ZC3H3: variants seen among roughly 807,000 people sequenced by gnomAD.
ZC3H3 encodes the protein zinc finger CCCH-type containing 3.
ZC3H3 carries 36 observed loss-of-function variants against 77.3 expected under a neutral mutation model. That is an observed-to-expected ratio of 0.47 (90% CI 0.36 to 0.61). ZC3H3 has a LOEUF of 0.61. Ranked by LOEUF, ZC3H3 falls within the 20% of genes least tolerant of loss-of-function variation. ZC3H3 has a pLI of 0.00. For synonymous variants in ZC3H3, 626 were observed against 555.2 expected (o/e 1.13, Z -1.79); for missense variants, 1,331 against 1,312.2 (o/e 1.01, Z -0.22).
intron 3 of ZC3H3, among the ~76,000 whole-genome samples, chr8:143,524,224 C>A (rs1040719213): frequency 1.3e-5 from 2 of 152,230 alleles, no homozygotes; most frequent in African/African-American, 2.4e-5. Flanking sequence ...CTGAGCCCCA[C>A]TCCCTCAGTC....
Position 143,538,828 on chromosome 8 carries a change from C to A in ZC3H3, c.539G>T (p.Arg180Met). Residue 180 changes from arginine to methionine, a missense_variant, in exon 2 of 12, where the codon AGG (arginine) becomes ATG (methionine). Arg to Met is a moderately conservative substitution (Grantham distance 91). Coordinates refer to ENST00000262577, the MANE Select transcript of ZC3H3 (RefSeq NM_015117.3). ...QLQPSRPTRARGTCSVEDPLL... is the reference protein window; with the variant it reads ...QLQPSRPTRAMGTCSVEDPLL... ...AGGATCTTCCACACTGCAGGTCCCC[C>A]TGGCTCTTGTTGGCCTCGAGGGCTG... 6 of 1,612,280 alleles carry A rather than the reference C, an allele frequency of 3.7e-6. No homozygotes were observed. The highest frequency in any genetic ancestry group is 4.2e-6 in the Non-Finnish European group (5 of 1,179,688).
rs911666340 is a variant in ZC3H3 at position 143,531,811 on chromosome 8, C to A, written c.1561+4446G>T. 2.0e-5 allele frequency among the ~76,000 whole-genome samples: 3 copies of A among 152,214 alleles called. No individual in the cohort carries two copies. The East Asian group carries it at 5.8e-4, about 29-fold the overall frequency. On this transcript the variant is annotated intron_variant, in intron 3 of 11. Coordinates refer to ENST00000262577, the MANE Select transcript of ZC3H3 (RefSeq NM_015117.3). ...AGTAATTCAATTTTCTTTTTATTAG[C>A]CCCCTTATCTGCTGAGCAATATAGT...
At chr8:143,527,863 T>C (rs921667) in intron 3 of ZC3H3, among the ~76,000 whole-genome samples, 23,613 of 152,042 alleles carry the variant, frequency 0.16, 1,948 homozygotes, top group Admixed American at 0.22. Flanking sequence ...ACAGCAAACA[T>C]TCCTGACCCC....
At chr8:143,438,946 A>G (rs766623581) in intron 11 of ZC3H3, among the ~76,000 whole-genome samples, 2 of 152,064 alleles carry the variant, frequency 1.3e-5, no homozygotes, top group Admixed American at 6.5e-5. Flanking sequence ...TCCTGCCCAG[A>G]GACTGTCCCA....
At chr8:143,485,022 A>C (rs1821014135) in intron 4 of ZC3H3, 1 of 289,670 alleles carries the variant, frequency 3.5e-6, no homozygotes, top group South Asian at 2.7e-5. Context: ...TTATGAAGCA[A>C]AGATGTGTGA....
intron 4 of ZC3H3, among the ~76,000 whole-genome samples, chr8:143,486,655 G>A (rs111679420): frequency 0.15 from 22,966 of 152,018 alleles, 2,039 homozygotes; most frequent in Middle Eastern, 0.27. Context: ...AATGGCACCC[G>A]CTACATGACC....
chr8:143,472,828 C>T (rs147614085), intron 5 of ZC3H3, among the ~76,000 whole-genome samples: 31 of 152,324 alleles, frequency 2.0e-4, no homozygotes, highest in Admixed American at 1.2e-3. Context: ...GGACGCACCG[C>T]GACCTGGGTG....
chr8:143,495,549 C>T (rs1037884186), intron 4 of ZC3H3, among the ~76,000 whole-genome samples: 2 of 152,132 alleles, frequency 1.3e-5, no homozygotes, highest in Non-Finnish European at 2.9e-5. Context: ...TTTATCTCGA[C>T]GAGGTATGCG....
At chr8:143,539,429 C>G (rs1822936368) in intron 1 of ZC3H3, 109 bp from the exon 2 acceptor site, 1 of 1,169,338 alleles carries the variant, frequency 8.6e-7, no homozygotes, top group East Asian at 2.6e-5. Context: ...CATCTCACTT[C>G]TGAGCCCCTG....
Position 143,538,339 on chromosome 8 carries a change from C to G in ZC3H3, c.1028G>C (p.Gly343Ala). 6.2e-7 allele frequency: 1 copy of G among 1,613,012 alleles called. No individual in the cohort carries two copies. Among genetic ancestry groups the G allele is most frequent in the Non-Finnish European group, 8.5e-7 (1 of 1,180,034 alleles). The change falls in exon 2 of 12, where the codon GGC (glycine) becomes GCC (alanine). Residue 343 changes from glycine to alanine, a missense_variant. Gly to Ala is a moderately conservative substitution (Grantham distance 60). This residue lies in a region of ZC3H3 where 978 missense variants were observed against 915.5 expected (regional missense o/e 1.07). Transcript: ENST00000262577. ...CGGCTTCTCCACCTTGTTTGCCATGCCAGCAGAGGCCTTGCACACATTCTC... is the reference window on the plus strand; with the variant it reads ...CGGCTTCTCCACCTTGTTTGCCATGGCAGCAGAGGCCTTGCACACATTCTC... ...AAENVCKASA[G>A]MANKVEKPQL...
intron 3 of ZC3H3, among the ~76,000 whole-genome samples, chr8:143,512,702 C>T (rs1821908664): frequency 6.6e-6 from 1 of 152,228 alleles, no homozygotes; most frequent in African/African-American, 2.4e-5. Context: ...ACTGGCTGGG[C>T]CTCTTCCTCC....
At chr8:143,525,538 G>A (rs554484160) in intron 3 of ZC3H3, among the ~76,000 whole-genome samples, 8 of 152,332 alleles carry the variant, frequency 5.3e-5, no homozygotes, top group African/African-American at 1.2e-4. Context: ...GCCGAGAGAG[G>A]AGCGTCCCTG....
Position 143,450,994 on chromosome 8 carries a change from G to A in ZC3H3, c.2308-9874C>T, listed in dbSNP as rs572902569. Among the ~76,000 whole-genome samples, 16 of 152,272 alleles carry A rather than the reference G, an allele frequency of 1.1e-4. No individual in the cohort carries two copies. In the East Asian group the frequency reaches 3.1e-3, roughly 29 times the overall value. On this transcript the variant is annotated intron_variant, in intron 9 of 11. Transcript: ENST00000262577. ...AATAATAACAAGTATATTAAACACA[G>A]TAAGTGACTGGATGCTTTCTACCCT... is the stretch of plus-strand genomic sequence containing the variant.
rs1038270400 is a variant in ZC3H3, at chr8:143,460,631, G to A, written c.2307+5086C>T. Among the ~76,000 whole-genome samples the A allele has an allele frequency of 1.5e-4, 23 of 152,182 alleles. No homozygotes were observed. Among genetic ancestry groups the A allele is most frequent in the African/African-American group, 5.6e-4 (23 of 41,436 alleles). On this transcript the variant is annotated intron_variant, in intron 9 of 11. Coordinates refer to ENST00000262577, the MANE Select transcript of ZC3H3 (RefSeq NM_015117.3). This position sits in a 1 kb window ranked among gnomAD's most constrained non-coding sequence, Gnocchi z 4.0. Reference sequence around the variant, plus strand: ...GCTGTCAGGAATCACTACAGCACCAGTCACAGTAGCCACATAACCACCAGC... The same window carrying A: ...GCTGTCAGGAATCACTACAGCACCAATCACAGTAGCCACATAACCACCAGC...
chr8:143,538,848 G>A lies in ZC3H3; in HGVS notation c.519C>T (p.Pro173=), dbSNP rs1212306202. 1.9e-6 allele frequency: 3 copies of A among 1,612,334 alleles called. No homozygotes were observed. The East Asian group carries it at 6.7e-5, about 36-fold the overall frequency. The change falls in exon 2 of 12, where the codon CCC becomes CCT. Residue 173 remains proline (P), a synonymous_variant. Coordinates refer to ENST00000262577, the MANE Select transcript of ZC3H3 (RefSeq NM_015117.3). ...TCCCCCTGGCTCTTGTTGGCCTCGA[G>A]GGCTGCAGCTGTCCCCGAGGGGGCT... The part of the protein sequence containing the change: ...EGEPPRGQLQ[P]SRPTRARGTC...
At chr8:143,482,482 G>A (rs955830276) in intron 4 of ZC3H3, among the ~76,000 whole-genome samples, 5 of 152,312 alleles carry the variant, frequency 3.3e-5, no homozygotes, top group Admixed American at 6.5e-5. Context: ...AGGGAGGAGT[G>A]TGGGGTGGGG....
chr8:143,524,374 C>G (rs1393637763), intron 3 of ZC3H3, among the ~76,000 whole-genome samples: 4 of 152,242 alleles, frequency 2.6e-5, no homozygotes, highest in African/African-American at 9.6e-5. Context: ...ATGTGCCATG[C>G]TCTGCTAGGA....
chr8:143,536,725 G>A (rs918320315), intron 2 of ZC3H3, among the ~76,000 whole-genome samples: 1 of 152,152 alleles, frequency 6.6e-6, no homozygotes, highest in African/African-American at 2.4e-5. Flanking sequence ...AGGGGCCTCA[G>A]TGCTCCGTCC....
rs80351785 is a variant in ZC3H3, at chr8:143,538,414, G to C, written c.953C>G (p.Ser318Trp). ...CCTCCGAGCAACCCGGGGACTCTTC[G>C]AGGAGGCAGCCACCCATTTGTAGTT... ...KNNYKWVAAS[S>W]KSPRVARRAL... The change falls in exon 2 of 12, where the codon TCG becomes TGG. Residue 318 changes from serine (S) to tryptophan (W), a missense_variant. Physicochemically the swap from Ser to Trp is radical, Grantham distance 177. Transcript: ENST00000262577. The C allele has an allele frequency of 2.5e-6, 4 of 1,613,098 alleles. No homozygotes were observed. The highest frequency in any genetic ancestry group is 1.7e-5 in the Admixed American group (1 of 60,008).
Sources: allele counts gnomAD v4.1 joint callset (sites outside exome capture counted in the v4.1 genomes callset), GRCh38; gene constraint gnomAD v4.1.1; regional missense constraint gnomAD v4.1.1; non-coding constraint Gnocchi (gnomAD v3.1); transcripts MANE v1.5; gene names NCBI Gene and HGNC (gene_info 2026-07-23, HGNC 2026-07-21).